Variants in INPP4B observed in about 807,000 individuals in gnomAD.
The protein encoded by INPP4B is inositol polyphosphate 4-phosphatase type II.
INPP4B carries 55 observed loss-of-function variants against 122.5 expected under a neutral mutation model. The ratio of observed to expected loss-of-function variants is 0.45; its 90% CI spans 0.36 to 0.56. The LOEUF is 0.56. INPP4B is among the 20% of genes least tolerant of loss of function. The pLI is 0.00. For missense variants in INPP4B, 1,000 were observed against 1,097.7 expected (o/e 0.91, Z 1.26); for synonymous variants, 403 against 388.7 (o/e 1.04, Z -0.43).
intron 7 of INPP4B, among the ~76,000 whole-genome samples, chr4:142,399,038 T>C (rs1800697982): frequency 6.6e-6 from 1 of 152,100 alleles, no homozygotes; most frequent in South Asian, 2.1e-4. Context: ...TGTGACCTAA[T>C]ATATGTTTGC....
intron 2 of INPP4B, among the ~76,000 whole-genome samples, chr4:142,636,897 A>T (rs1004994645): frequency 2.0e-5 from 3 of 152,104 alleles, no homozygotes; most frequent in African/African-American, 7.2e-5. Flanking sequence ...TATGGCTACA[A>T]TTGACAACAA....
rs1012358475 is a variant in INPP4B, at chr4:142,027,917, T to TAAG, written c.*862_*864dup. ...TGCATGCTTACACCAGGATGACTGC[T>TAAG]AAGAAACATCTCAGAGATACCTCAC... On this transcript the variant is annotated 3_prime_UTR_variant, in exon 26 of 26. Transcript: ENST00000262992. 5.5e-5 allele frequency: 10 copies of TAAG among 183,454 alleles called. No individual in the cohort carries two copies. Among genetic ancestry groups the TAAG allele is most frequent in the African/African-American group, 2.1e-4 (9 of 42,714 alleles). The allele number at this position is 183,454 out of a possible 1,614,324, so 11.4% of individuals were successfully genotyped here.
At chr4:142,467,023 A>T (rs951668424) in intron 2 of INPP4B, among the ~76,000 whole-genome samples, 5 of 152,224 alleles carry the variant, frequency 3.3e-5, no homozygotes, top group African/African-American at 1.2e-4. Flanking sequence ...TAGAGGATGT[A>T]TAGGAAAGAT....
chr4:142,421,391 A>G (rs1806859864), intron 5 of INPP4B, among the ~76,000 whole-genome samples: 1 of 152,156 alleles, frequency 6.6e-6, no homozygotes, highest in Non-Finnish European at 1.5e-5. Context: ...TGTCCAGCTC[A>G]GCATGGCCTG....
intron 5 of INPP4B, among the ~76,000 whole-genome samples, chr4:142,419,148 T>TG (rs1280823412): frequency 1.3e-5 from 2 of 151,958 alleles, no homozygotes; most frequent in Non-Finnish European, 2.9e-5. Flanking sequence ...ATACAATATT[T>TG]GGGGGGACAA....
chr4:142,356,350 T>A (rs1783611487), intron 7 of INPP4B, among the ~76,000 whole-genome samples: 1 of 151,104 alleles, frequency 6.6e-6, no homozygotes, highest in Non-Finnish European at 1.5e-5. Flanking sequence ...ATGTGTGGCC[T>A]ACTTTTCTCA....
chr4:142,258,753 G>C lies in INPP4B; in HGVS notation c.688+1739C>G, dbSNP rs565186254. 1.3e-3 allele frequency among the ~76,000 whole-genome samples: 197 copies of C among 152,298 alleles called. 1 individual carries two copies. The highest frequency in any genetic ancestry group is 4.6e-3 in the African/African-American group (192 of 41,568). ...AAATAGGAACACTTTTACACTGTTG[G>C]TGGGACTGTAAACTAGTTCAATCAT... On this transcript the variant is annotated intron_variant, in intron 11 of 25. Transcript: ENST00000262992.
intron 2 of INPP4B, among the ~76,000 whole-genome samples, chr4:142,620,089 T>C (rs967151422): frequency 5.3e-5 from 8 of 151,890 alleles, no homozygotes; most frequent in African/African-American, 1.4e-4. Context: ...GTGGAAAGCA[T>C]CGTGGAGATT....
intron 25 of INPP4B, among the ~76,000 whole-genome samples, chr4:142,042,516 GTGTATGTATGTA>G (rs3043168): frequency 4.8e-4 from 23 of 48,194 alleles, no homozygotes; most frequent in African/African-American, 7.2e-4. Flanking sequence ...TTATGTGTGT[GTGTATGTATGTA>G]TGTATGTATG....
chr4:142,288,322 C>T (rs184275359), intron 9 of INPP4B, among the ~76,000 whole-genome samples: 386 of 152,314 alleles, frequency 2.5e-3, no homozygotes, highest in Non-Finnish European at 3.0e-3. Context: ...TGTTGGCTCA[C>T]GCCTGTAATC....
At chr4:142,667,131 G>T (rs1204931577) in intron 2 of INPP4B, among the ~76,000 whole-genome samples, 1 of 152,122 alleles carries the variant, frequency 6.6e-6, no homozygotes, top group African/African-American at 2.4e-5. Flanking sequence ...ATCAGATGAG[G>T]GCATCAGTAA....
In INPP4B at chr4:142,148,264, C is replaced by T. The variant is rs142187548; in HGVS notation, c.1564-2268G>A. On this transcript the variant is annotated intron_variant, in intron 17 of 25. Transcript: ENST00000262992. ...GTTTGTGTGTGTGTGTGTGCACTTG[C>T]GCATGTATGTGGCACAGTTGGCTCA... Among the ~76,000 whole-genome samples the T allele has an allele frequency of 2.3e-3, 342 of 151,998 alleles. 1 individual carries two copies. The highest frequency in any genetic ancestry group is 3.3e-3 in the Non-Finnish European group (227 of 67,962).
At chr4:142,171,474 GA>G (rs1387088295) in intron 16 of INPP4B, among the ~76,000 whole-genome samples, 3 of 151,778 alleles carry the variant, frequency 2.0e-5, no homozygotes, top group Admixed American at 6.6e-5. Flanking sequence ...CTTAAAAACA[GA>G]ACTTTTAAAG....
intron 2 of INPP4B, among the ~76,000 whole-genome samples, chr4:142,479,493 A>C (rs1203820016): frequency 1.3e-5 from 2 of 152,152 alleles, no homozygotes; most frequent in Non-Finnish European, 2.9e-5. Context: ...TTATTCTACG[A>C]TAAACACACA....
intron 7 of INPP4B, among the ~76,000 whole-genome samples, chr4:142,347,892 T>C (rs1780783404): frequency 6.6e-6 from 1 of 152,038 alleles, no homozygotes; most frequent in Non-Finnish European, 1.5e-5. Flanking sequence ...ATTCCCATTT[T>C]AAGTCACAAT....
intron 7 of INPP4B, among the ~76,000 whole-genome samples, chr4:142,381,916 A>C (rs537718672): frequency 3.2e-4 from 48 of 152,216 alleles, no homozygotes; most frequent in African/African-American, 1.1e-3. Context: ...TTACAATTAA[A>C]AAAACTATGC....
chr4:142,138,030 T>G (rs2152816347), intron 18 of INPP4B, among the ~76,000 whole-genome samples: 1 of 152,212 alleles, frequency 6.6e-6, no homozygotes, highest in Non-Finnish European at 1.5e-5. Context: ...GCCATCCCAT[T>G]ACTGGGTATA....
chr4:142,134,797 C>CAAAA (rs58297348), intron 18 of INPP4B, among the ~76,000 whole-genome samples: 5 of 51,284 alleles, frequency 9.7e-5, no homozygotes, highest in Non-Finnish European at 1.3e-4. Context: ...AACTCTGTCT[C>CAAAA]AAAAAAAAAA....
In INPP4B at chr4:142,028,781, C is replaced by T; in HGVS notation, c.*1G>A. The T allele has an allele frequency of 6.2e-7, 1 of 1,608,658 alleles. No individual in the cohort carries two copies. On this transcript the variant is annotated 3_prime_UTR_variant, in exon 26 of 26. Transcript: ENST00000262992. Reference sequence around the variant, plus strand: ...TCCTGTTTATTAACATGTTGGTAAACTTAGGTGTCAGCTTTTCCATAAGTC... The same window carrying T: ...TCCTGTTTATTAACATGTTGGTAAATTTAGGTGTCAGCTTTTCCATAAGTC...
Sources: gnomAD v4.1 joint callset for allele counts (sites outside exome capture counted in the v4.1 genomes callset) on GRCh38, gnomAD v4.1.1 for gene constraint, MANE v1.5 for transcripts, NCBI Gene and HGNC (gene_info 2026-07-23, HGNC 2026-07-21) for gene names.